Variants in PCDHGA10 observed in about 807,000 individuals in gnomAD.
PCDHGA10 encodes protocadherin gamma subfamily A, 10, also known as protocadherin gamma-A10.
PCDHGA10 carries 42 observed loss-of-function variants against 59.5 expected under a neutral mutation model. The ratio of observed to expected loss-of-function variants is 0.71; its 90% CI spans 0.55 to 0.91. PCDHGA10 has a LOEUF of 0.91. Ranked by LOEUF, PCDHGA10 falls within the 40% of genes least tolerant of loss-of-function variation. PCDHGA10 has a pLI of 0.00. For synonymous variants in PCDHGA10, 511 were observed against 517.2 expected (o/e 0.99, Z 0.16); for missense variants, 1,111 against 1,198.2 (o/e 0.93, Z 1.07).
intron 1 of PCDHGA10, chr5:141,468,696 C>G (rs1483766202): frequency 6.6e-6 from 1 of 151,386 alleles, no homozygotes; most frequent in East Asian, 2.0e-4. Context: ...GAAACCCCGT[C>G]TCTACTAAAA....
chr5:141,476,049 C>T lies in PCDHGA10; in HGVS notation c.2437-18758C>T. 2.0e-6 allele frequency: 3 copies of T among 1,501,848 alleles called. No homozygotes were observed. The South Asian group carries it at 4.0e-5, about 20-fold the overall frequency. 93.0% of individuals were successfully genotyped at this position (1,501,848 alleles called of 1,614,324 possible). ...CGCCCAGCGCCCAAGCGCTAACCCG[C>T]TGAAAGTTTCTCAGCGAAATCTCAG... On this transcript the variant is annotated intron_variant, in intron 1 of 3. Coordinates refer to ENST00000398610, the MANE Select transcript of PCDHGA10 (RefSeq NM_018913.3). This position sits in a 1 kb window ranked among gnomAD's most constrained non-coding sequence, Gnocchi z 7.6.
rs572603287 is a variant in PCDHGA10 at position 141,477,037 on chromosome 5, G to T, written c.2437-17770G>T. 19 of 1,614,266 alleles carry T rather than the reference G, an allele frequency of 1.2e-5. No homozygotes were observed. In the East Asian group the frequency reaches 3.8e-4, roughly 32 times the overall value. Reference sequence around the variant, plus strand: ...TTGTAACCGGGATGCTGACAATCAAGGGTCGGCTGGACTTCGAGGACACCA... The same window carrying T: ...TTGTAACCGGGATGCTGACAATCAATGGTCGGCTGGACTTCGAGGACACCA... On this transcript the variant is annotated intron_variant, in intron 1 of 3. Transcript: ENST00000398610. The surrounding 1 kb of genome is among the most constrained non-coding windows in gnomAD (Gnocchi z 4.9).
Position 141,486,032 on chromosome 5 carries a change from G to C in PCDHGA10, c.2437-8775G>C, listed in dbSNP as rs560909128. The C allele has an allele frequency of 1.2e-6, 2 of 1,614,166 alleles. No individual in the cohort carries two copies. Among genetic ancestry groups the C allele is most frequent in the African/African-American group, 2.7e-5 (2 of 75,034 alleles). On this transcript the variant is annotated intron_variant, in intron 1 of 3. Transcript: ENST00000398610. This position sits in a 1 kb window ranked among gnomAD's most constrained non-coding sequence, Gnocchi z 5.0. ...CTTTTATTTCAGTGGTCATACCCCT[G>C]ATCGTGTAAGAAACCTCTTTAGCCT... is the stretch of plus-strand genomic sequence containing the variant.
chr5:141,463,467 G>A (rs200270457), intron 1 of PCDHGA10, among the ~76,000 whole-genome samples: 2,116 of 11,250 alleles, frequency 0.19, 39 homozygotes, highest in East Asian at 0.24. Context: ...TTTTTTTTTT[G>A]AGATGGAGTC....
intron 2 of PCDHGA10, among the ~76,000 whole-genome samples, chr5:141,501,294 C>CAT (rs200497585): frequency 0.16 from 9,924 of 62,810 alleles, 350 homozygotes; most frequent in Non-Finnish European, 0.25. Flanking sequence ...CCCTTATACA[C>CAT]ACACACACAC....
At chr5:141,447,197 T>C (rs1249080495) in intron 1 of PCDHGA10, among the ~76,000 whole-genome samples, 7 of 152,188 alleles carry the variant, frequency 4.6e-5, no homozygotes, top group Admixed American at 4.6e-4. Context: ...TGGAGTGCAA[T>C]GGCTTGATCT....
At chr5:141,499,013 GA>G (rs2099788463) in intron 2 of PCDHGA10, among the ~76,000 whole-genome samples, 1 of 144,746 alleles carries the variant, frequency 6.9e-6, no homozygotes, top group Non-Finnish European at 1.5e-5. Context: ...AGGAAGGAAG[GA>G]AGGAAGGAAG....
chr5:141,498,146 G>A (rs924380243), intron 2 of PCDHGA10, among the ~76,000 whole-genome samples: 1 of 152,200 alleles, frequency 6.6e-6, no homozygotes, highest in Non-Finnish European at 1.5e-5. Context: ...GGACATCCTG[G>A]AAATGAAGTT....
At chr5:141,427,958 G>A (rs1266312663) in intron 1 of PCDHGA10, 3 of 1,588,290 alleles carry the variant, frequency 1.9e-6, no homozygotes, top group Admixed American at 1.7e-5. Context: ...ACAATGTGCC[G>A]CGGGTGCTGT....
intron 1 of PCDHGA10, among the ~76,000 whole-genome samples, chr5:141,461,557 C>T (rs2154567400): frequency 6.6e-6 from 1 of 152,122 alleles, no homozygotes; most frequent in East Asian, 1.9e-4. Context: ...CAGATGTGTA[C>T]TTTGCAAAGA....
Position 141,491,456 on chromosome 5 carries a change from C to A in PCDHGA10, c.2437-3351C>A. ...TGCAGGCGCCAGGACTCACCCTCCC[C>A]GGACTTCTATAAGCAGTCCAGCCCC... On this transcript the variant is annotated intron_variant, in intron 1 of 3. Coordinates refer to ENST00000398610, the MANE Select transcript of PCDHGA10 (RefSeq NM_018913.3). The surrounding 1 kb of genome is among the most constrained non-coding windows in gnomAD (Gnocchi z 6.9). 1.2e-6 allele frequency: 2 copies of A among 1,614,104 alleles called. No homozygotes were observed.
At position 141,489,664 on chromosome 5, in the gene PCDHGA10, A is replaced by G. The variant is rs745597010; in HGVS notation, c.2437-5143A>G. On this transcript the variant is annotated intron_variant, in intron 1 of 3. Transcript: ENST00000398610. The surrounding 1 kb of genome is among the most constrained non-coding windows in gnomAD (Gnocchi z 4.5). ...TGCCACCCCTGAGCGAGAGATGCGCATCTCAGAATCAGCAGCATCTGGGGC... is the reference window on the plus strand; with the variant it reads ...TGCCACCCCTGAGCGAGAGATGCGCGTCTCAGAATCAGCAGCATCTGGGGC... 1 of 1,614,106 alleles carries G rather than the reference A, an allele frequency of 6.2e-7. No homozygotes were observed. The highest frequency in any genetic ancestry group is 8.5e-7 in the Non-Finnish European group (1 of 1,180,050).
rs537684458 is a variant in PCDHGA10, at chr5:141,431,679, T to G, written c.2436+16068T>G. The G allele has an allele frequency of 1.5e-5, 24 of 1,614,222 alleles. No individual in the cohort carries two copies. The highest frequency in any genetic ancestry group is 3.3e-5 in the Admixed American group (2 of 60,028). On this transcript the variant is annotated intron_variant, in intron 1 of 3. Coordinates refer to ENST00000398610, the MANE Select transcript of PCDHGA10 (RefSeq NM_018913.3). The surrounding 1 kb of genome is among the most constrained non-coding windows in gnomAD (Gnocchi z 4.8). ...GGGACAATATCAACAATAGGGGAGT[T>G]GGACCACGAGGAGTCAGGATTCTAC...
chr5:141,415,885 C>A (rs778154458), intron 1 of PCDHGA10: 7 of 978,904 alleles, frequency 7.2e-6, no homozygotes, highest in Non-Finnish European at 9.6e-6. Context: ...ACAATATTGA[C>A]AATTCCTAAG....
In PCDHGA10 at chr5:141,477,967, C is replaced by T. The variant is rs756216038; in HGVS notation, c.2437-16840C>T. Reference sequence around the variant, plus strand: ...GTCTCTTGGGATCCCCTAACCAGAGCCTTTTTGCCATAGGGCTGCACACTG... The same window carrying T: ...GTCTCTTGGGATCCCCTAACCAGAGTCTTTTTGCCATAGGGCTGCACACTG... On this transcript the variant is annotated intron_variant, in intron 1 of 3. Coordinates refer to ENST00000398610, the MANE Select transcript of PCDHGA10 (RefSeq NM_018913.3). This position sits in a 1 kb window ranked among gnomAD's most constrained non-coding sequence, Gnocchi z 4.9. The T allele has an allele frequency of 8.7e-6, 14 of 1,614,032 alleles. No individual in the cohort carries two copies. In the South Asian group the frequency reaches 1.2e-4, roughly 14 times the overall value.
intron 1 of PCDHGA10, among the ~76,000 whole-genome samples, chr5:141,448,669 G>T: frequency 6.6e-6 from 1 of 152,136 alleles, no homozygotes; most frequent in East Asian, 1.9e-4. Flanking sequence ...GGCCGGGCGC[G>T]GTGGCTCACG....
intron 1 of PCDHGA10, chr5:141,416,205 A>T (rs1239154825): frequency 1.3e-5 from 2 of 152,458 alleles, no homozygotes; most frequent in Non-Finnish European, 2.9e-5. Context: ...CAATTTATTT[A>T]TAACAATGTA....
chr5:141,481,913 CAA>C (rs34114744), intron 1 of PCDHGA10, among the ~76,000 whole-genome samples: 12,059 of 90,730 alleles, frequency 0.13, 576 homozygotes, highest in African/African-American at 0.21. Flanking sequence ...AACTCCATCT[CAA>C]AAAAAAAAAA....
In PCDHGA10 at chr5:141,427,737, G is replaced by C. The variant is rs1460682938; in HGVS notation, c.2436+12126G>C. 2.5e-6 allele frequency: 3 copies of C among 1,223,986 alleles called. No homozygotes were observed. The African/African-American group carries it at 4.4e-5, about 18-fold the overall frequency. 75.8% of individuals were successfully genotyped at this position (1,223,986 alleles called of 1,614,324 possible). A position where few individuals can be genotyped will look rare whatever the true frequency, so the allele number is the denominator to read the frequency against. On this transcript the variant is annotated intron_variant, in intron 1 of 3. Coordinates refer to ENST00000398610, the MANE Select transcript of PCDHGA10 (RefSeq NM_018913.3). The stretch of plus-strand genomic sequence containing the variant: ...CCTGGACCTAGGGCTGAATGGCCAA[G>C]TCTCCTACTCCATCGTTACCACTGA...
Sources: gnomAD v4.1 joint callset for allele counts (sites outside exome capture counted in the v4.1 genomes callset) on GRCh38, gnomAD v4.1.1 for gene constraint, Gnocchi (gnomAD v3.1) non-coding constraint, MANE v1.5 for transcripts, NCBI Gene and HGNC (gene_info 2026-07-23, HGNC 2026-07-21) for gene names.